PBX1: variants seen among roughly 807,000 people sequenced by gnomAD.
PBX1 encodes PBX homeobox 1.
PBX1 carries 6 observed loss-of-function variants against 53.4 expected under a neutral mutation model. The ratio of observed to expected loss-of-function variants is 0.11; its 90% CI spans 0.06 to 0.22. PBX1 has a LOEUF of 0.22. PBX1 is among the 10% of genes least tolerant of loss of function. The pLI is 1.00. For missense variants in PBX1, 251 were observed against 551.4 expected, an observed-to-expected ratio of 0.46 and a Z score of 5.46; for synonymous variants, 204 against 212.3, an observed-to-expected ratio of 0.96 and a Z score of 0.34.
intron 2 of PBX1, among the ~76,000 whole-genome samples, chr1:164,776,945 GAGAGA>G: frequency 2.6e-5 from 2 of 76,198 alleles, no homozygotes; most frequent in African/African-American, 1.5e-4. Flanking sequence ...GGTGGGAGGA[GAGAGA>G]GAGAGAGAGA....
chr1:164,606,780 T>C (rs1410181752), intron 2 of PBX1, among the ~76,000 whole-genome samples: 2 of 152,222 alleles, frequency 1.3e-5, no homozygotes, highest in East Asian at 1.9e-4. Flanking sequence ...TCATTCTTTG[T>C]GCATGGAAAC....
chr1:164,782,499 A>G (rs757197118), intron 2 of PBX1, among the ~76,000 whole-genome samples: 1 of 152,226 alleles, frequency 6.6e-6, no homozygotes, highest in South Asian at 2.1e-4. Context: ...CGTTAAGACT[A>G]AATGATCGAC....
chr1:164,870,363 A>C (rs182803050), intron 2 of PBX1, among the ~76,000 whole-genome samples: 1 of 55,790 alleles, frequency 1.8e-5, no homozygotes, highest in Admixed American at 2.0e-4. Context: ...CTTTCTTTCG[A>C]GATGAAGTCT....
intron 1 of PBX1, chr1:164,560,346 T>A: frequency 2.5e-6 from 1 of 398,116 alleles, no homozygotes; most frequent in Non-Finnish European, 4.4e-6. Flanking sequence ...TTTACTGCTT[T>A]AAAAAAGTAT....
intron 2 of PBX1, among the ~76,000 whole-genome samples, chr1:164,698,441 C>T (rs552053018): frequency 1.1e-4 from 16 of 152,228 alleles, no homozygotes; most frequent in South Asian, 2.1e-4. Flanking sequence ...TTGTGTTTGA[C>T]GGTGTTGAGT....
At chr1:164,574,094 TG>T (rs760831899) in intron 2 of PBX1, among the ~76,000 whole-genome samples, 4 of 152,264 alleles carry the variant, frequency 2.6e-5, no homozygotes, top group Non-Finnish European at 5.9e-5. Context: ...AGGTCACTGC[TG>T]GAAGCCGGGA....
chr1:164,659,738 T>A (rs1660373106), intron 2 of PBX1, among the ~76,000 whole-genome samples: 1 of 152,104 alleles, frequency 6.6e-6, no homozygotes, highest in Non-Finnish European at 1.5e-5. Context: ...ATGCCCAGTC[T>A]TGTGTTTTGA....
chr1:164,580,247 G>A (rs1314666410), intron 2 of PBX1, among the ~76,000 whole-genome samples: 1 of 152,102 alleles, frequency 6.6e-6, no homozygotes, highest in Admixed American at 6.5e-5. Context: ...ATTTTCATTA[G>A]GCCTCTGCCT....
intron 2 of PBX1, chr1:164,700,375 C>A: frequency 2.5e-6 from 2 of 809,224 alleles, no homozygotes; most frequent in Non-Finnish European, 3.0e-6. Flanking sequence ...CCAAGGAAGG[C>A]ACATCAAGGG....
chr1:164,693,622 G>A (rs567618420), intron 2 of PBX1, among the ~76,000 whole-genome samples: 7 of 152,266 alleles, frequency 4.6e-5, no homozygotes, highest in Non-Finnish European at 1.0e-4. Flanking sequence ...AGCAGAGGTA[G>A]CACCTGTGTC....
intron 2 of PBX1, among the ~76,000 whole-genome samples, chr1:164,786,052 A>G (rs924948955): frequency 6.6e-6 from 1 of 152,172 alleles, no homozygotes; most frequent in Non-Finnish European, 1.5e-5. Context: ...CTTCTACCCA[A>G]CAGCATGCTG....
intron 2 of PBX1, among the ~76,000 whole-genome samples, chr1:164,679,676 C>G (rs1049245731): frequency 1.3e-5 from 2 of 152,166 alleles, no homozygotes; most frequent in African/African-American, 2.4e-5. Flanking sequence ...TTCATTTAAG[C>G]ATTGTCTAAG....
chr1:164,833,396 A>G (rs1670866555), intron 8 of PBX1, among the ~76,000 whole-genome samples: 1 of 152,134 alleles, frequency 6.6e-6, no homozygotes, highest in Non-Finnish European at 1.5e-5. Flanking sequence ...CTCGTCATAG[A>G]TAAGATTGAC....
At chr1:164,800,252 T>C (rs1040845235) in intron 4 of PBX1, among the ~76,000 whole-genome samples, 1 of 152,196 alleles carries the variant, frequency 6.6e-6, no homozygotes, top group African/African-American at 2.4e-5. Context: ...CTCTCTTCAA[T>C]AAAGTTTATT....
At chr1:164,746,534 G>A (rs1248409122) in intron 2 of PBX1, among the ~76,000 whole-genome samples, 1 of 151,984 alleles carries the variant, frequency 6.6e-6, no homozygotes, top group Admixed American at 6.6e-5. Flanking sequence ...GTGCCACCAC[G>A]CCCGGCTAAG....
At chr1:164,695,113 A>C (rs1287520145) in intron 2 of PBX1, among the ~76,000 whole-genome samples, 2 of 152,346 alleles carry the variant, frequency 1.3e-5, no homozygotes, top group Non-Finnish European at 1.5e-5. Context: ...GATATTAATA[A>C]TGGTTCAAGA....
intron 2 of PBX1, among the ~76,000 whole-genome samples, chr1:164,582,908 AATG>A (rs1264071839): frequency 1.3e-5 from 2 of 152,230 alleles, no homozygotes; most frequent in Non-Finnish European, 2.9e-5. Context: ...ATTTCTTGAA[AATG>A]ATGAACAGGA....
At chr1:164,725,552 A>G (rs529682220) in intron 2 of PBX1, among the ~76,000 whole-genome samples, 52 of 152,066 alleles carry the variant, frequency 3.4e-4, no homozygotes, top group African/African-American at 1.2e-3. Context: ...GCTTCCGTAC[A>G]AGTTTCAGCC....
chr1:164,702,166 T>C (rs955976541), intron 2 of PBX1, among the ~76,000 whole-genome samples: 3 of 151,540 alleles, frequency 2.0e-5, no homozygotes, highest in Non-Finnish European at 4.4e-5. Flanking sequence ...TGGCTGGCAG[T>C]ATGAGACAAT....
Sources: allele counts gnomAD v4.1 joint callset (sites outside exome capture counted in the v4.1 genomes callset), GRCh38; gene constraint gnomAD v4.1.1; transcripts MANE v1.5; gene names NCBI Gene and HGNC (gene_info 2026-07-23, HGNC 2026-07-21).